Variants in PCM1 observed in about 807,000 individuals in gnomAD.
PCM1 encodes the protein pericentriolar material 1.
Under a neutral mutation model 241.9 loss-of-function variants are expected in PCM1, and 157 were observed. That is an observed-to-expected ratio of 0.65 (90% CI 0.57 to 0.74). PCM1 has a LOEUF of 0.74. Ranked by LOEUF, PCM1 falls within the 30% of genes least tolerant of loss-of-function variation. PCM1 has a pLI of 0.00. For synonymous variants in PCM1, 1,085 were observed against 784.9 expected (o/e 1.38, Z -6.39); for missense variants, 3,478 against 2,360.1 (o/e 1.47, Z -9.81).
rs368924222 is a variant in PCM1, at chr8:18,009,753, C to T, written c.5160+9C>T. Reference sequence around the variant, plus strand: ...AATCTTGTGCCAAAGAGGTAAATAACGTTCATTTTGATTTTTAGGATAATT... The same window carrying T: ...AATCTTGTGCCAAAGAGGTAAATAATGTTCATTTTGATTTTTAGGATAATT... On this transcript the variant is annotated intron_variant, in intron 31 of 38. Coordinates refer to ENST00000325083, the MANE Select transcript of PCM1 (RefSeq NM_006197.4). 35 of 1,398,740 alleles carry T rather than the reference C, an allele frequency of 2.5e-5. No homozygotes were observed. Among genetic ancestry groups the T allele is most frequent in the Middle Eastern group, 3.8e-4 (2 of 5,296 alleles). 86.6% of individuals were successfully genotyped at this position (1,398,740 alleles called of 1,614,324 possible). A position where few individuals can be genotyped will look rare whatever the true frequency, so the allele number is the denominator to read the frequency against.
At position 17,957,099 on chromosome 8, in the gene PCM1, T is replaced by G. The variant is rs148542301; in HGVS notation, c.1647-165T>G. Among the ~76,000 whole-genome samples the G allele has an allele frequency of 2.4e-4, 36 of 152,344 alleles. No homozygotes were observed. In the East Asian group the frequency reaches 4.2e-3, roughly 18 times the overall value. On this transcript the variant is annotated intron_variant, in intron 11 of 38. Transcript: ENST00000325083. The stretch of plus-strand genomic sequence containing the variant: ...TGTTTTTCTACTTAAATAGCACATA[T>G]GCAGAAGTTAATGAAAAGCAGGAGT...
At chr8:17,942,963 C>T (rs208771) in intron 6 of PCM1, among the ~76,000 whole-genome samples, 76,703 of 149,766 alleles carry the variant, frequency 0.51, 20,598 homozygotes, top group Middle Eastern at 0.64. Context: ...TGCCACTGTA[C>T]TCCAGCTTGG....
At chr8:17,981,515 G>C (rs1017723930) in intron 24 of PCM1, among the ~76,000 whole-genome samples, 1 of 152,060 alleles carries the variant, frequency 6.6e-6, no homozygotes, top group African/African-American at 2.4e-5. Flanking sequence ...AATTTGTAAA[G>C]AGCATCTCAA....
In PCM1 at chr8:17,957,708, A is replaced by C; in HGVS notation, c.1973A>C (p.Lys658Thr). 6.2e-7 allele frequency: 1 copy of C among 1,613,426 alleles called. No homozygotes were observed. Reference sequence around the variant, plus strand: ...CCAGAAGATGCTGAATTTGAACAGAAGATCAACCGACTTATGGCTGCAAAA... The same window carrying C: ...CCAGAAGATGCTGAATTTGAACAGACGATCAACCGACTTATGGCTGCAAAA... ...EHPEDAEFEQ[K>T]INRLMAAKQK... is the part of the protein sequence containing the mutation. The change falls in exon 13 of 39, where the codon AAG (lysine) becomes ACG (threonine). Residue 658 changes from lysine to threonine, a missense_variant. Lys to Thr is a moderately conservative substitution (Grantham distance 78). Transcript: ENST00000325083.
chr8:18,011,975 G>A, intron 34 of PCM1, 148 bp downstream of exon 34: 1 of 720,682 alleles, frequency 1.4e-6, no homozygotes, highest in Non-Finnish European at 2.2e-6. Flanking sequence ...ATTAAAATCT[G>A]AAAAACCAGT....
chr8:17,959,338 C>G (rs1399927078), intron 13 of PCM1, among the ~76,000 whole-genome samples: 1 of 7,416 alleles, frequency 1.3e-4, no homozygotes, highest in African/African-American at 1.3e-3. Flanking sequence ...TATATACACA[C>G]AGTACATAGT....
intron 17 of PCM1, 119 bp downstream of exon 17, chr8:17,963,410 T>A: frequency 1.5e-6 from 1 of 662,818 alleles, no homozygotes; most frequent in East Asian, 3.0e-5. Flanking sequence ...TCAGTGAGGC[T>A]ACTGTTTAAC....
chr8:18,017,750 G>T (rs1339503521), intron 36 of PCM1, among the ~76,000 whole-genome samples: 1 of 152,204 alleles, frequency 6.6e-6, no homozygotes, highest in African/African-American at 2.4e-5. Context: ...CTACACAGGA[G>T]GCTGAGGCAG....
intron 7 of PCM1, among the ~76,000 whole-genome samples, chr8:17,950,129 T>A (rs1239851355): frequency 3.7e-4 from 56 of 152,132 alleles, no homozygotes; most frequent in Non-Finnish European, 3.5e-4. Context: ...AAAAGCAGAG[T>A]TGGGTGGTCG....
At chr8:17,977,050 A>G (rs370251995) in intron 23 of PCM1, among the ~76,000 whole-genome samples, 94 of 152,214 alleles carry the variant, frequency 6.2e-4, no homozygotes, top group African/African-American at 2.2e-3. Flanking sequence ...TTTATTCATC[A>G]CTTTTCATGT....
chr8:17,934,034 G>A (rs776113364), intron 2 of PCM1, among the ~76,000 whole-genome samples: 6 of 151,650 alleles, frequency 4.0e-5, no homozygotes, highest in South Asian at 2.1e-4. Context: ...TTAATACTTC[G>A]TTGAATTTTA....
rs140642069 is a variant in PCM1 at position 17,943,375 on chromosome 8, C to T, written c.783+3514C>T. On this transcript the variant is annotated intron_variant, in intron 6 of 38. Coordinates refer to ENST00000325083, the MANE Select transcript of PCM1 (RefSeq NM_006197.4). ...TTCACCAGTAGAGTGAATAAAGTAG[C>T]TGATTATTTTAAAAACTAGTGGCAT... Among the ~76,000 whole-genome samples, 221 of 152,092 alleles carry T rather than the reference C, an allele frequency of 1.5e-3. 1 individual carries two copies. Among genetic ancestry groups the T allele is most frequent in the African/African-American group, 5.0e-3 (206 of 41,506 alleles).
intron 2 of PCM1, among the ~76,000 whole-genome samples, chr8:17,930,032 T>C (rs1238323817): frequency 6.6e-6 from 1 of 152,000 alleles, no homozygotes; most frequent in Non-Finnish European, 1.5e-5. Flanking sequence ...CTCCTATTGA[T>C]CCTGCACAGC....
intron 2 of PCM1, among the ~76,000 whole-genome samples, chr8:17,929,169 A>G (rs951262502): frequency 3.3e-5 from 5 of 152,152 alleles, no homozygotes; most frequent in African/African-American, 9.7e-5. Flanking sequence ...CCTTGTTGCT[A>G]AATCTAGGAG....
intron 36 of PCM1, among the ~76,000 whole-genome samples, chr8:18,023,186 G>C (rs995190068): frequency 6.6e-6 from 1 of 152,020 alleles, no homozygotes; most frequent in African/African-American, 2.4e-5. Context: ...TCACCTATAT[G>C]GTCTGGACAC....
intron 17 of PCM1, among the ~76,000 whole-genome samples, chr8:17,963,511 A>G (rs1416637119): frequency 6.6e-6 from 1 of 152,148 alleles, no homozygotes; most frequent in South Asian, 2.1e-4. Flanking sequence ...TTAAATTACT[A>G]TGGCACTTGA....
chr8:17,982,083 C>G (rs2081039947), intron 24 of PCM1, among the ~76,000 whole-genome samples: 1 of 152,126 alleles, frequency 6.6e-6, no homozygotes, highest in Admixed American at 6.5e-5. Context: ...AAAGAAACAT[C>G]ACATTTGTTT....
rs1204643892 is a variant in PCM1, at chr8:17,961,906, A to T, written c.2323-128A>T. 11 of 645,498 alleles carry T rather than the reference A, an allele frequency of 1.7e-5. No individual in the cohort carries two copies. The East Asian group carries it at 3.1e-4, about 18-fold the overall frequency. 40.0% of individuals were successfully genotyped at this position (645,498 alleles called of 1,614,324 possible). On this transcript the variant is annotated intron_variant, in intron 15 of 38. Coordinates refer to ENST00000325083, the MANE Select transcript of PCM1 (RefSeq NM_006197.4). Reference sequence around the variant, plus strand: ...TCATGTTATCTTCGGATGATGATGGAAGTCAGGGTCTGATAGCAGATTAAA... The same window carrying T: ...TCATGTTATCTTCGGATGATGATGGTAGTCAGGGTCTGATAGCAGATTAAA...
intron 36 of PCM1, among the ~76,000 whole-genome samples, chr8:18,016,370 T>A (rs1029389602): frequency 6.6e-6 from 1 of 152,148 alleles, no homozygotes; most frequent in South Asian, 2.1e-4. Context: ...TGTTTAGAAA[T>A]TAGGAACATG....
Sources: gnomAD v4.1 joint callset for allele counts (sites outside exome capture counted in the v4.1 genomes callset) on GRCh38, gnomAD v4.1.1 for gene constraint, MANE v1.5 for transcripts, NCBI Gene and HGNC (gene_info 2026-07-23, HGNC 2026-07-21) for gene names.